AP2S1: variants seen among roughly 807,000 people sequenced by gnomAD.
AP2S1 encodes the protein AP-2 complex subunit sigma.
AP2S1 carries 6 observed loss-of-function variants against 21.0 expected under a neutral mutation model. The ratio of observed to expected loss-of-function variants is 0.29; its 90% CI spans 0.16 to 0.56. The LOEUF is 0.56. Among genes scored for constraint, AP2S1 ranks in the 20% least tolerant of loss-of-function variants. AP2S1 has a pLI of 0.92. For synonymous variants in AP2S1, 63 were observed against 74.6 expected, an observed-to-expected ratio of 0.84 and a Z score of 0.80; for missense variants, 60 against 186.2, an observed-to-expected ratio of 0.32 and a Z score of 3.95.
At chr19:46,839,933 G>T (rs1039902431) in intron 2 of AP2S1, among the ~76,000 whole-genome samples, 4 of 152,248 alleles carry the variant, frequency 2.6e-5, no homozygotes, top group Non-Finnish European at 5.9e-5. Context: ...GGGGCTGGGC[G>T]GGAGCCTGAC....
In AP2S1 at chr19:46,838,837, G is replaced by A; in HGVS notation, c.268-38C>T. On this transcript the variant is annotated intron_variant, in intron 3 of 4. Coordinates refer to ENST00000263270, the MANE Select transcript of AP2S1 (RefSeq NM_004069.6). The surrounding 1 kb of genome is among the most constrained non-coding windows in gnomAD (Gnocchi z 4.1). Reference sequence around the variant, plus strand: ...GGCAGAGATGGTAAGAGATGGGCAGGGAGAGAGCCACACACGCACAGAGAT... The same window carrying A: ...GGCAGAGATGGTAAGAGATGGGCAGAGAGAGAGCCACACACGCACAGAGAT... 1.3e-6 allele frequency: 2 copies of A among 1,592,060 alleles called. No homozygotes were observed. The highest frequency in any genetic ancestry group is 2.2e-5 in the South Asian group (2 of 90,236).
intron 2 of AP2S1, 121 bp from the exon 3 acceptor site, chr19:46,839,699 G>T (rs2055483246): frequency 6.7e-7 from 1 of 1,495,914 alleles, no homozygotes; most frequent in African/African-American, 1.4e-5. Context: ...CTCTGTGCCT[G>T]GCCCTGTGCT....
Position 46,838,585 on chromosome 19 carries a change from C to A in AP2S1, c.328-37G>T, listed in dbSNP as rs762448820. The A allele has an allele frequency of 7.5e-6, 12 of 1,610,226 alleles. No homozygotes were observed. The highest frequency in any genetic ancestry group is 1.0e-5 in the Non-Finnish European group (12 of 1,176,610). ...GAGACCCTGGGGTGAGACGAGGCCC[C>A]CCAGGATGCTGGCCCGGACCCTGGA... On this transcript the variant is annotated intron_variant, in intron 4 of 4. Transcript: ENST00000263270. This position sits in a 1 kb window ranked among gnomAD's most constrained non-coding sequence, Gnocchi z 4.1.
At position 46,850,475 on chromosome 19, in the gene AP2S1, C is replaced by T. The variant is rs569472595; in HGVS notation, c.3+289G>A. ...CAAGACTGTGTCTCACGAGTTTCCT[C>T]TCGTTTCAAAGCTTCCAACCATCTA... On this transcript the variant is annotated intron_variant, in intron 1 of 4. Coordinates refer to ENST00000263270, the MANE Select transcript of AP2S1 (RefSeq NM_004069.6). Among the ~76,000 whole-genome samples the T allele has an allele frequency of 2.3e-3, 354 of 152,280 alleles. 1 individual carries two copies. Among genetic ancestry groups the T allele is most frequent in the Middle Eastern group, 0.014 (4 of 294 alleles).
chr19:46,843,671 T>G (rs2055568122), intron 2 of AP2S1, among the ~76,000 whole-genome samples: 1 of 151,706 alleles, frequency 6.6e-6, no homozygotes, highest in Admixed American at 6.6e-5. Flanking sequence ...TGCAGTGAGC[T>G]GAGATCGCAC....
chr19:46,848,728 T>A (rs1352412508), intron 1 of AP2S1, among the ~76,000 whole-genome samples: 1 of 152,198 alleles, frequency 6.6e-6, no homozygotes, highest in East Asian at 1.9e-4. Flanking sequence ...TTTTCTTTTT[T>A]GTTTTCAGAC....
chr19:46,839,705 G>T, intron 2 of AP2S1, 127 bp from the exon 3 acceptor site: 1 of 1,480,482 alleles, frequency 6.8e-7, no homozygotes, highest in Non-Finnish European at 9.1e-7. Context: ...GCCTGGCCCT[G>T]TGCTGGGGTC....
At chr19:46,850,662 C>T in intron 1 of AP2S1, 102 bp downstream of exon 1, 2 of 1,115,308 alleles carry the variant, frequency 1.8e-6, no homozygotes. Flanking sequence ...TGACCCAGAC[C>T]ATCCGCGGCA....
chr19:46,844,137 T>C (rs1359526591), intron 2 of AP2S1, among the ~76,000 whole-genome samples: 1 of 151,858 alleles, frequency 6.6e-6, no homozygotes, highest in Admixed American at 6.6e-5. Context: ...TCTCCTGACC[T>C]TGTGATCCAC....
intron 2 of AP2S1, among the ~76,000 whole-genome samples, chr19:46,843,737 T>A (rs1016915459): frequency 4.7e-5 from 7 of 150,026 alleles, no homozygotes; most frequent in Non-Finnish European, 8.9e-5. Context: ...GAAAAAAAAA[T>A]TTAAAAATTA....
At chr19:46,849,269 G>A (rs2055692053) in intron 1 of AP2S1, among the ~76,000 whole-genome samples, 1 of 152,040 alleles carries the variant, frequency 6.6e-6, no homozygotes, top group Non-Finnish European at 1.5e-5. Flanking sequence ...GCCTCCCAAA[G>A]TGCTGGGATT....
intron 1 of AP2S1, among the ~76,000 whole-genome samples, 178 bp from the exon 2 acceptor site, chr19:46,846,320 G>A (rs1340866146): frequency 6.6e-6 from 1 of 151,820 alleles, no homozygotes; most frequent in Non-Finnish European, 1.5e-5. Flanking sequence ...CTGGCCACAC[G>A]CTTCATCCCG....
chr19:46,838,632 C>A lies in AP2S1; in HGVS notation c.328-84G>T. ...TGGAAGCTGGGGCTCTGATGCCCCT[C>A]GAGCTGGGACACAGACCTCAGCAGA... On this transcript the variant is annotated intron_variant, in intron 4 of 4. Transcript: ENST00000263270. The surrounding 1 kb of genome is among the most constrained non-coding windows in gnomAD (Gnocchi z 4.1). The A allele has an allele frequency of 6.4e-7, 1 of 1,566,150 alleles. No homozygotes were observed.
intron 2 of AP2S1, among the ~76,000 whole-genome samples, chr19:46,842,707 G>C (rs2055545671): frequency 6.6e-6 from 1 of 151,976 alleles, no homozygotes; most frequent in Admixed American, 6.6e-5. Context: ...CAGAACACCC[G>C]ACACCCAGTT....
At chr19:46,847,522 A>G (rs2055658308) in intron 1 of AP2S1, among the ~76,000 whole-genome samples, 1 of 151,598 alleles carries the variant, frequency 6.6e-6, no homozygotes, top group African/African-American at 2.4e-5. Flanking sequence ...ACCTAATATC[A>G]CCACTATCTA....
chr19:46,839,370 G>C, intron 3 of AP2S1, 95 bp downstream of exon 3: 1 of 1,352,322 alleles, frequency 7.4e-7, no homozygotes, highest in Non-Finnish European at 1.0e-6. Context: ...TGCAGAGGGA[G>C]GGCTCAGGAG....
At chr19:46,842,901 C>T (rs28488425) in intron 2 of AP2S1, among the ~76,000 whole-genome samples, 62,319 of 151,860 alleles carry the variant, frequency 0.41, 13,258 homozygotes, top group African/African-American at 0.52. Context: ...CTCACTTCCC[C>T]GGTGAGCTCC....
intron 3 of AP2S1, among the ~76,000 whole-genome samples, chr19:46,839,118 C>G (rs1414161493): frequency 6.6e-6 from 1 of 151,714 alleles, no homozygotes; most frequent in Non-Finnish European, 1.5e-5. Context: ...GAAACCCCAT[C>G]TCTACTAAAA....
intron 2 of AP2S1, among the ~76,000 whole-genome samples, chr19:46,842,987 G>A (rs887880938): frequency 6.6e-6 from 1 of 151,958 alleles, no homozygotes; most frequent in Non-Finnish European, 1.5e-5. Flanking sequence ...ACCCTGACTC[G>A]TCACTTCTTC....
Sources: gnomAD v4.1 joint callset for allele counts (sites outside exome capture counted in the v4.1 genomes callset) on GRCh38, gnomAD v4.1.1 for gene constraint, Gnocchi (gnomAD v3.1) non-coding constraint, MANE v1.5 for transcripts, NCBI Gene and HGNC (gene_info 2026-07-23, HGNC 2026-07-21) for gene names.